TRIM64B: variants seen among roughly 807,000 people sequenced by gnomAD.
TRIM64B encodes the protein tripartite motif-containing protein 64B.
For synonymous variants in TRIM64B, 17 were observed against 190.3 expected (o/e 0.09, Z 7.50); for missense variants, 57 against 536.4 (o/e 0.11, Z 8.83).
exon 3 of TRIM64B, chr11:89,874,078 A>G (rs552779355): frequency 5.8e-6 from 9 of 1,549,558 alleles, no homozygotes; most frequent in Non-Finnish European, 7.8e-6. Context: ...GGCATGTGGC[A>G]TGTCTCCCAC....
At chr11:89,876,930 A>T (rs1371917480), upstream of TRIM64B, among the ~76,000 whole-genome samples, 1 of 148,698 alleles carries the variant, frequency 6.7e-6, no homozygotes, top group Admixed American at 6.7e-5. Flanking sequence ...AGTTACCTAG[A>T]CAAGCTTAAA....
At chr11:89,873,027 A>T (rs1950128251) in intron 4 of TRIM64B, among the ~76,000 whole-genome samples, 1 of 151,634 alleles carries the variant, frequency 6.6e-6, no homozygotes, top group African/African-American at 2.4e-5. Flanking sequence ...ATGGTTGGTC[A>T]GGACGGATGG....
chr11:89,875,433 A>G (rs61905558), intron 1 of TRIM64B, among the ~76,000 whole-genome samples, 177 bp downstream of exon 2: 12,043 of 132,012 alleles, frequency 0.091, 265 homozygotes, highest in African/African-American at 0.15. Context: ...CAACACAGCT[A>G]TGATTAGAGT....
At chr11:89,877,197 G>A (rs1950170881), upstream of TRIM64B, among the ~76,000 whole-genome samples, 1 of 102,190 alleles carries the variant, frequency 9.8e-6, no homozygotes, top group African/African-American at 3.5e-5. Context: ...ACAGTGGACT[G>A]TCAACTCCTA....
At chr11:89,877,622 T>G (rs1205406617), upstream of TRIM64B, among the ~76,000 whole-genome samples, 2 of 148,804 alleles carry the variant, frequency 1.3e-5, no homozygotes, top group African/African-American at 4.9e-5. Context: ...TTTTTTTTTT[T>G]TTTGTTGCTG....
At chr11:89,877,586 T>C (rs1375817288), upstream of TRIM64B, among the ~76,000 whole-genome samples, 3 of 148,690 alleles carry the variant, frequency 2.0e-5, no homozygotes, top group Admixed American at 6.7e-5. Flanking sequence ...ATTGATCTAT[T>C]TTCTTTCTTT....
exon 1 of TRIM64B, chr11:89,875,923 T>C (rs1258559449): frequency 3.9e-6 from 6 of 1,546,054 alleles, no homozygotes; most frequent in Admixed American, 4.1e-5. Flanking sequence ...GCAAAAGCTG[T>C]GCCCACAGTC....
rs192959966 is a variant in TRIM64B at position 89,875,370 on chromosome 11, C to A, written c.408+240G>T. 2.0e-5 allele frequency among the ~76,000 whole-genome samples: 3 copies of A among 152,414 alleles called. No individual in the cohort carries two copies. The East Asian group carries it at 5.8e-4, about 29-fold the overall frequency. On this transcript the variant is annotated intron_variant, in intron 1 of 5. Coordinates refer to ENST00000329862, the Ensembl canonical transcript of TRIM64B. ...GGTGCTGGCCACCAGCTCCACAGCT[C>A]CATTCTACACGTTTGAACAATGTTT...
intron 4 of TRIM64B, among the ~76,000 whole-genome samples, 195 bp from the exon 6 acceptor site, chr11:89,872,507 A>G (rs1565458679): frequency 6.6e-6 from 1 of 151,858 alleles, no homozygotes; most frequent in East Asian, 1.9e-4. Context: ...TAAAAACCCA[A>G]TTTCCCCAGA....
At chr11:89,876,183 T>G (rs546230976), upstream of TRIM64B, among the ~76,000 whole-genome samples, 268 of 130,352 alleles carry the variant, frequency 2.1e-3, 6 homozygotes, top group African/African-American at 7.0e-3. Flanking sequence ...CATAGTAAAT[T>G]CATACATGCT....
exon 1 of TRIM64B, chr11:89,875,744 A>G: frequency 6.5e-7 from 1 of 1,527,970 alleles, no homozygotes; most frequent in Non-Finnish European, 8.8e-7. Flanking sequence ...TGGAGCACAC[A>G]GATATTGTCT....
At chr11:89,876,962 T>C (rs1370873382), upstream of TRIM64B, among the ~76,000 whole-genome samples, 18 of 147,796 alleles carry the variant, frequency 1.2e-4, no homozygotes, top group Non-Finnish European at 3.0e-5. Flanking sequence ...GGGTAAAAGC[T>C]GGGATGATTT....
intron 1 of TRIM64B, 92 bp from the exon 3 acceptor site, chr11:89,875,165 A>T (rs1430930596): frequency 1.3e-6 from 2 of 1,482,458 alleles, no homozygotes; most frequent in Non-Finnish European, 1.8e-6. Flanking sequence ...ATTGAAAGAA[A>T]CATAAATTAA....
intron 1 of TRIM64B, among the ~76,000 whole-genome samples, 191 bp from the exon 3 acceptor site, chr11:89,875,264 G>T (rs1950151196): frequency 6.6e-6 from 1 of 152,238 alleles, no homozygotes; most frequent in Non-Finnish European, 1.5e-5. Flanking sequence ...ATAATAGAGA[G>T]TTTTAAGGGA....
At chr11:89,876,579 G>C (rs1950165897), upstream of TRIM64B, among the ~76,000 whole-genome samples, 2 of 149,498 alleles carry the variant, frequency 1.3e-5, no homozygotes, top group South Asian at 4.2e-4. Flanking sequence ...AAAATTAGCA[G>C]GGCGTGGTGG....
At chr11:89,877,591 T>G (rs1950173048), upstream of TRIM64B, among the ~76,000 whole-genome samples, 2 of 148,604 alleles carry the variant, frequency 1.3e-5, no homozygotes, top group Non-Finnish European at 3.0e-5. Context: ...TCTATTTTCT[T>G]TCTTTCTTTT....
upstream of TRIM64B, among the ~76,000 whole-genome samples, chr11:89,876,538 C>T (rs61905559): frequency 2.0e-5 from 3 of 149,472 alleles, no homozygotes; most frequent in Middle Eastern, 3.3e-3. Flanking sequence ...CTGACTAACA[C>T]GGTGAAACCC....
In TRIM64B at chr11:89,872,962, G is replaced by A. The variant is rs1273886595; in HGVS notation, c.758+306C>T. Among the ~76,000 whole-genome samples, 20 of 147,070 alleles carry A rather than the reference G, an allele frequency of 1.4e-4. 1 individual carries two copies. The highest frequency in any genetic ancestry group is 3.8e-4 in the African/African-American group (15 of 39,394). ...TTTTTTAACCTCCCACCCCTCTAGA[G>A]TAGAAGATGCCTCTATGATTCCTCA... On this transcript the variant is annotated intron_variant, in intron 4 of 5. Transcript: ENST00000329862.
chr11:89,871,284 C>T (rs369724510), intron 5 of TRIM64B, among the ~76,000 whole-genome samples, 170 bp from the exon 7 acceptor site: 646 of 152,110 alleles, frequency 4.2e-3, no homozygotes, highest in Non-Finnish European at 7.3e-3. Context: ...CTCTACAGCA[C>T]ATACAATTAT....
Sources: gnomAD v4.1 joint callset for allele counts (sites outside exome capture counted in the v4.1 genomes callset) on GRCh38, gnomAD v4.1.1 for gene constraint, MANE v1.5 for transcripts, NCBI Gene and HGNC (gene_info 2026-07-23, HGNC 2026-07-21) for gene names.